Variants in GOLGA1 observed in about 807,000 individuals in gnomAD.
The protein encoded by GOLGA1 is golgin A1, also known as golgin subfamily A member 1.
GOLGA1 carries 63 observed loss-of-function variants against 119.7 expected under a neutral mutation model. The observed-to-expected ratio is 0.53, with a 90% confidence interval of 0.43 to 0.65. The LOEUF (loss-of-function observed/expected upper bound fraction) is 0.65. GOLGA1 is among the 30% of genes least tolerant of loss of function. The pLI, the probability that GOLGA1 is intolerant of heterozygous loss-of-function variation, is 0.00. For missense variants in GOLGA1, 798 were observed against 912.8 expected (o/e 0.87, Z 1.62); for synonymous variants, 318 against 333.4 (o/e 0.95, Z 0.50).
At chr9:124,905,170 AT>A (rs1289443189) in intron 12 of GOLGA1, among the ~76,000 whole-genome samples, 1 of 150,276 alleles carries the variant, frequency 6.7e-6, no homozygotes, top group Non-Finnish European at 1.5e-5. Context: ...ATAAAATAAA[AT>A]AAAAATAAAT....
intron 7 of GOLGA1, among the ~76,000 whole-genome samples, chr9:124,926,303 T>G (rs1049437098): frequency 4.6e-5 from 7 of 152,180 alleles, no homozygotes; most frequent in Non-Finnish European, 4.4e-5. Context: ...GGCCATGGGA[T>G]GCAACTAAGC....
At chr9:124,908,122 A>AT (rs1830268949) in intron 12 of GOLGA1, among the ~76,000 whole-genome samples, 1 of 152,256 alleles carries the variant, frequency 6.6e-6, no homozygotes, top group Non-Finnish European at 1.5e-5. Context: ...AAGAGCATCT[A>AT]TATGAACCAC....
intron 7 of GOLGA1, among the ~76,000 whole-genome samples, chr9:124,923,455 T>C (rs1293435816): frequency 6.6e-6 from 1 of 152,066 alleles, no homozygotes; most frequent in Non-Finnish European, 1.5e-5. Context: ...GAATTCTTAA[T>C]AAAGGAAAAA....
At chr9:124,918,087 G>A (rs1015245582) in intron 10 of GOLGA1, among the ~76,000 whole-genome samples, 10 of 152,182 alleles carry the variant, frequency 6.6e-5, no homozygotes, top group African/African-American at 2.2e-4. Flanking sequence ...CCCAACCTCA[G>A]GTGATCCACC....
chr9:124,903,342 G>C (rs1830148976), intron 12 of GOLGA1, among the ~76,000 whole-genome samples: 1 of 152,072 alleles, frequency 6.6e-6, no homozygotes, highest in Non-Finnish European at 1.5e-5. Context: ...ACAAGGCGTG[G>C]TGGTCTATAT....
At position 124,899,482 on chromosome 9, in the gene GOLGA1, C is replaced by A; in HGVS notation, c.1162-4G>T. 6.5e-7 allele frequency: 1 copy of A among 1,543,992 alleles called. No homozygotes were observed. The highest frequency in any genetic ancestry group is 8.7e-7 in the Non-Finnish European group (1 of 1,148,852). On this transcript the variant is annotated splice_polypyrimidine_tract_variant and splice_region_variant and intron_variant, in intron 13 of 22. Coordinates refer to ENST00000373555, the MANE Select transcript of GOLGA1 (RefSeq NM_002077.4). Reference sequence around the variant, plus strand: ...TGCTCTCCTGGTTGGCGGCAGCCTGCGGGGAGACCAAAGGACGGTCAGTCA... The same window carrying A: ...TGCTCTCCTGGTTGGCGGCAGCCTGAGGGGAGACCAAAGGACGGTCAGTCA...
intron 12 of GOLGA1, among the ~76,000 whole-genome samples, chr9:124,904,018 G>A (rs1758108244): frequency 6.6e-6 from 1 of 151,146 alleles, no homozygotes; most frequent in African/African-American, 2.4e-5. Flanking sequence ...AGCCGAGATC[G>A]TGCCACTGCA....
chr9:124,913,644 C>T (rs1378584055), intron 10 of GOLGA1, among the ~76,000 whole-genome samples: 2 of 152,200 alleles, frequency 1.3e-5, no homozygotes, highest in African/African-American at 2.4e-5. Flanking sequence ...TTTATGACCC[C>T]ACAATTCAAT....
intron 19 of GOLGA1, among the ~76,000 whole-genome samples, chr9:124,886,256 G>A (rs1814572212): frequency 6.6e-6 from 1 of 152,206 alleles, no homozygotes; most frequent in African/African-American, 2.4e-5. Context: ...TCGCAGAGGA[G>A]GGCGCACAGT....
Position 124,888,717 on chromosome 9 carries a change from T to C in GOLGA1, c.1762-321A>G, listed in dbSNP as rs1413004330. Among the ~76,000 whole-genome samples, 3 of 152,140 alleles carry C rather than the reference T, an allele frequency of 2.0e-5. No homozygotes were observed. The highest frequency in any genetic ancestry group is 1.9e-4 in the East Asian group (1 of 5,190). On this transcript the variant is annotated intron_variant, in intron 18 of 22. Coordinates refer to ENST00000373555, the MANE Select transcript of GOLGA1 (RefSeq NM_002077.4). This position sits in a 1 kb window ranked among gnomAD's most constrained non-coding sequence, Gnocchi z 4.4. ...ATTTATTTATCTATTTATTTATTTA[T>C]TGAGACGGAGTCTTGCTCTGTCACC...
chr9:124,913,006 T>C (rs540265416), intron 10 of GOLGA1, among the ~76,000 whole-genome samples: 1 of 152,296 alleles, frequency 6.6e-6, no homozygotes, highest in East Asian at 1.9e-4. Flanking sequence ...AGAGATTTAA[T>C]TGACTCACAG....
Position 124,880,116 on chromosome 9 carries a change from GT to G in GOLGA1, c.*413del. ...GGCTGTTCCTGGCAGAGGCAGGTGGGTTTGGCCTGCTGGGCACCATCTCAAA... is the reference window on the plus strand; with the variant it reads ...GGCTGTTCCTGGCAGAGGCAGGTGGGTTGGCCTGCTGGGCACCATCTCAAA... On this transcript the variant is annotated 3_prime_UTR_variant, in exon 23 of 23. Coordinates refer to ENST00000373555, the MANE Select transcript of GOLGA1 (RefSeq NM_002077.4). The G allele has an allele frequency of 6.3e-6, 1 of 158,076 alleles. No individual in the cohort carries two copies. The highest frequency in any genetic ancestry group is 1.8e-4 in the South Asian group (1 of 5,406). The allele number at this position is 158,076 out of a possible 1,614,324, so 9.8% of individuals were successfully genotyped here.
intron 12 of GOLGA1, among the ~76,000 whole-genome samples, chr9:124,904,231 C>T (rs1018676307): frequency 6.6e-6 from 1 of 152,048 alleles, no homozygotes; most frequent in Non-Finnish European, 1.5e-5. Flanking sequence ...TCTAGAGTGT[C>T]CAAACTCAAA....
At chr9:124,941,903 A>G (rs1373857950), upstream of GOLGA1, among the ~76,000 whole-genome samples, 2 of 151,964 alleles carry the variant, frequency 1.3e-5, no homozygotes, top group African/African-American at 4.8e-5. Context: ...CACCGTGGCG[A>G]GACTCCGTCT....
At chr9:124,893,058 T>C (rs1015522310) in intron 15 of GOLGA1, among the ~76,000 whole-genome samples, 3 of 152,166 alleles carry the variant, frequency 2.0e-5, no homozygotes, top group Non-Finnish European at 4.4e-5. Flanking sequence ...TGCAGTCCAG[T>C]TTGTGATGAT....
chr9:124,895,793 CA>C (rs1829970977), intron 15 of GOLGA1, among the ~76,000 whole-genome samples: 2 of 151,096 alleles, frequency 1.3e-5, no homozygotes, highest in African/African-American at 4.9e-5. Context: ...AACAGAGAAC[CA>C]TCCCCAACAG....
chr9:124,925,359 ATTT>A (rs11357664), intron 7 of GOLGA1, among the ~76,000 whole-genome samples: 5 of 141,946 alleles, frequency 3.5e-5, no homozygotes, highest in African/African-American at 7.8e-5. Context: ...ATGGTTGAGG[ATTT>A]TTTTTTTTTT....
chr9:124,946,286 G>C lies in GOLGA1; in HGVS notation c.-156+1632C>G, dbSNP rs1831144327. 6.6e-6 allele frequency: 1 copy of C among 152,084 alleles called. No individual in the cohort carries two copies. The highest frequency in any genetic ancestry group is 1.5e-5 in the Non-Finnish European group (1 of 68,028). The allele number at this position is 152,084 out of a possible 1,614,324, so 9.4% of individuals were successfully genotyped here. A position where few individuals can be genotyped will look rare whatever the true frequency, so the allele number is the denominator to read the frequency against. On this transcript the variant is annotated intron_variant, in intron 1 of 4. Transcript: ENST00000421514. This position sits in a 1 kb window ranked among gnomAD's most constrained non-coding sequence, Gnocchi z 4.0. ...ATTTTAATATTTATTCAAGAAAAATGCTGTTATAATTATTTCTGAATTTAA... is the reference window on the plus strand; with the variant it reads ...ATTTTAATATTTATTCAAGAAAAATCCTGTTATAATTATTTCTGAATTTAA...
In GOLGA1 at chr9:124,931,292, C is replaced by T. The variant is rs372123661; in HGVS notation, c.226+24G>A. 23 of 1,146,312 alleles carry T rather than the reference C, an allele frequency of 2.0e-5. No individual in the cohort carries two copies. In the African/African-American group the frequency reaches 3.3e-4, roughly 17 times the overall value. 71.0% of individuals were successfully genotyped at this position (1,146,312 alleles called of 1,614,324 possible). On this transcript the variant is annotated intron_variant, in intron 4 of 22. Coordinates refer to ENST00000373555, the MANE Select transcript of GOLGA1 (RefSeq NM_002077.4). ...AGCAAGGCAAGTTTCCTGTTGTTTG[C>T]TTTTTATGAGTTCTTAGACATACCA...
Sources: allele counts gnomAD v4.1 joint callset (sites outside exome capture counted in the v4.1 genomes callset), GRCh38; gene constraint gnomAD v4.1.1; non-coding constraint Gnocchi (gnomAD v3.1); transcripts MANE v1.5; gene names NCBI Gene and HGNC (gene_info 2026-07-23, HGNC 2026-07-21).